Variants in MEGF8 observed in about 807,000 individuals in gnomAD.
MEGF8 encodes the protein multiple epidermal growth factor-like domains protein 8.
Under a neutral mutation model 302.9 loss-of-function variants are expected in MEGF8, and 156 were observed. The observed-to-expected ratio is 0.52, with a 90% confidence interval of 0.45 to 0.59. The LOEUF is 0.59. MEGF8 is among the 20% of genes least tolerant of loss of function. The probability of loss-of-function intolerance (pLI) is 0.00; values close to 1 mark genes in which losing one functional copy is unlikely to be tolerated. For missense variants in MEGF8, 3,345 were observed against 3,964.5 expected, an observed-to-expected ratio of 0.84 and a Z score of 4.20; for synonymous variants, 1,621 against 1,660.5, an observed-to-expected ratio of 0.98 and a Z score of 0.58.
Position 42,360,844 on chromosome 19 carries a change from T to G in MEGF8, c.5558T>G (p.Leu1853Arg). 6.2e-7 allele frequency: 1 copy of G among 1,612,696 alleles called. No homozygotes were observed. The highest frequency in any genetic ancestry group is 8.5e-7 in the Non-Finnish European group (1 of 1,179,618). The change falls in exon 32 of 42, where the codon CTG becomes CGG. Residue 1853 changes from leucine (L) to arginine (R), a missense_variant. Transcript: ENST00000251268. ...AHAVAAVGSR[L>R]YISGGFGGVA... is the part of the protein sequence containing the mutation. ...GCTGTGGCAGCAGTCGGGAGCCGCC[T>G]GTATATCTCTGGGGGTTTCGGGGGA...
chr19:42,327,608 T>A (rs1211358398), intron 1 of MEGF8, among the ~76,000 whole-genome samples: 1 of 152,118 alleles, frequency 6.6e-6, no homozygotes, highest in Non-Finnish European at 1.5e-5. Context: ...CCCAATAAAC[T>A]CCTATGCATG....
intron 15 of MEGF8, among the ~76,000 whole-genome samples, chr19:42,350,652 G>A (rs1423431705): frequency 6.6e-6 from 1 of 152,190 alleles, no homozygotes; most frequent in Non-Finnish European, 1.5e-5. Context: ...GAGCCCAGGA[G>A]TAGGCCTTCA....
Position 42,344,131 on chromosome 19 carries a change from C to G in MEGF8, c.1788+58C>G. ...GCATAGAGACCTGCCCTCAGTGTCT[C>G]CCTCTGCCTAACCAGATGGACAAGA... On this transcript the variant is annotated intron_variant, in intron 10 of 41. Transcript: ENST00000251268. This position sits in a 1 kb window ranked among gnomAD's most constrained non-coding sequence, Gnocchi z 4.5. The G allele has an allele frequency of 6.3e-7, 1 of 1,582,142 alleles. No individual in the cohort carries two copies. The highest frequency in any genetic ancestry group is 1.8e-5 in the Admixed American group (1 of 54,872).
chr19:42,372,074 A>ACAACAACAAAC (rs1555784681), intron 41 of MEGF8, among the ~76,000 whole-genome samples: 21 of 79,230 alleles, frequency 2.7e-4, no homozygotes, highest in African/African-American at 7.0e-4. Flanking sequence ...AACAACAACA[A>ACAACAACAAAC]ACACACACAC....
Position 42,343,573 on chromosome 19 carries a change from G to C in MEGF8, c.1610G>C (p.Arg537Pro). The C allele has an allele frequency of 6.2e-7, 1 of 1,613,206 alleles. No homozygotes were observed. Among genetic ancestry groups the C allele is most frequent in the Non-Finnish European group, 8.5e-7 (1 of 1,179,648 alleles). Reference protein sequence around the residue: ...LVAGGYSGRPRGDLMAYKVPP... With the variant: ...LVAGGYSGRPPGDLMAYKVPP... ...GCTGGGGGGTACAGCGGCCGGCCCC[G>C]TGGGGACTTGATGGCGTACAAGGTG... Residue 537 changes from arginine to proline, a missense_variant, in exon 9 of 42, where the codon CGT becomes CCT. By Grantham distance (103) the Arg-to-Pro change is moderately radical. Coordinates refer to ENST00000251268, the MANE Select transcript of MEGF8 (RefSeq NM_001271938.2).
chr19:42,372,156 A>G (rs1272806247), intron 41 of MEGF8, among the ~76,000 whole-genome samples: 1 of 152,168 alleles, frequency 6.6e-6, no homozygotes, highest in African/African-American at 2.4e-5. Context: ...GTCTGCCTTC[A>G]GGACTGGCTA....
rs538158546 is a variant in MEGF8 at position 42,339,341 on chromosome 19, C to G, written c.1513+2135C>G. On this transcript the variant is annotated intron_variant, in intron 8 of 41. Coordinates refer to ENST00000251268, the MANE Select transcript of MEGF8 (RefSeq NM_001271938.2). Reference sequence around the variant, plus strand: ...CAAACTGCTTTCCACAATGCCTGAACTAATTTACATTCCCATCTGCAACCT... The same window carrying G: ...CAAACTGCTTTCCACAATGCCTGAAGTAATTTACATTCCCATCTGCAACCT... Among the ~76,000 whole-genome samples, 4 of 152,308 alleles carry G rather than the reference C, an allele frequency of 2.6e-5. No individual in the cohort carries two copies. In the East Asian group the frequency reaches 7.7e-4, roughly 29 times the overall value.
At chr19:42,366,384 A>G (rs1246363416) in intron 35 of MEGF8, among the ~76,000 whole-genome samples, 1 of 152,108 alleles carries the variant, frequency 6.6e-6, no homozygotes, top group African/African-American at 2.4e-5. Flanking sequence ...TATTTTTAGT[A>G]GAGACTGGGT....
Position 42,354,172 on chromosome 19 carries a change from C to T in MEGF8, c.4011+148C>T. The T allele has an allele frequency of 9.8e-7, 1 of 1,018,856 alleles. No homozygotes were observed. 63.1% of individuals were successfully genotyped at this position (1,018,856 alleles called of 1,614,324 possible). ...CAAAACCCAAACTCCTCCTCAGATC[C>T]CCAGCACTTTGTTCCTAGGCCCACA... On this transcript the variant is annotated intron_variant, in intron 22 of 41. Transcript: ENST00000251268. The surrounding 1 kb of genome is among the most constrained non-coding windows in gnomAD (Gnocchi z 4.3).
intron 1 of MEGF8, 41 bp downstream of exon 1, chr19:42,326,471 G>T (rs1457952599): frequency 6.7e-7 from 1 of 1,490,846 alleles, no homozygotes; most frequent in Non-Finnish European, 8.9e-7. Context: ...TTCGCTGGTA[G>T]TTCATTCATG....
Position 42,369,808 on chromosome 19 carries a change from C to T in MEGF8, c.6834+85C>T. ...TCCCACGCTCAGGCGGCTCGCATCT[C>T]ATCCTGAGCCCTGATAAGCCAGGGA... On this transcript the variant is annotated intron_variant, in intron 38 of 41. Coordinates refer to ENST00000251268, the MANE Select transcript of MEGF8 (RefSeq NM_001271938.2). This position sits in a 1 kb window ranked among gnomAD's most constrained non-coding sequence, Gnocchi z 5.7. The T allele has an allele frequency of 7.2e-7, 1 of 1,395,904 alleles. No individual in the cohort carries two copies. Among genetic ancestry groups the T allele is most frequent in the East Asian group, 2.5e-5 (1 of 40,000 alleles). 86.5% of individuals were successfully genotyped at this position (1,395,904 alleles called of 1,614,324 possible).
intron 41 of MEGF8, among the ~76,000 whole-genome samples, chr19:42,374,120 G>A (rs1056460258): frequency 3.3e-5 from 5 of 152,068 alleles, no homozygotes; most frequent in Non-Finnish European, 7.4e-5. Context: ...AGATATGAAA[G>A]GCTTTGCAAG....
chr19:42,358,999 G>A lies in MEGF8; in HGVS notation c.5343+45G>A. ...AGGATTGGGTGGGCTGGTAGGGGGG[G>A]ATAGGTAGGGAAGTACAGGGGTGGC... On this transcript the variant is annotated intron_variant, in intron 30 of 41. Coordinates refer to ENST00000251268, the MANE Select transcript of MEGF8 (RefSeq NM_001271938.2). This position sits in a 1 kb window ranked among gnomAD's most constrained non-coding sequence, Gnocchi z 4.4. The A allele has an allele frequency of 6.4e-7, 1 of 1,573,250 alleles. No homozygotes were observed. Among genetic ancestry groups the A allele is most frequent in the Non-Finnish European group, 8.6e-7 (1 of 1,156,492 alleles).
At chr19:42,331,827 C>A (rs1230191952) in intron 1 of MEGF8, among the ~76,000 whole-genome samples, 1 of 151,106 alleles carries the variant, frequency 6.6e-6, no homozygotes, top group Non-Finnish European at 1.5e-5. Flanking sequence ...ACCTTGGCCT[C>A]CCAAAGTGCT....
intron 1 of MEGF8, 50 bp downstream of exon 1, chr19:42,326,480 T>C: frequency 2.0e-6 from 3 of 1,483,528 alleles, no homozygotes; most frequent in East Asian, 2.8e-5. Flanking sequence ...AGTTCATTCA[T>C]GTGTGCATTC....
intron 1 of MEGF8, among the ~76,000 whole-genome samples, chr19:42,332,333 G>A (rs1393442602): frequency 2.0e-5 from 3 of 152,192 alleles, no homozygotes; most frequent in African/African-American, 7.2e-5. Context: ...CAGCCGGAAT[G>A]CCTGTGTGTG....
chr19:42,356,107 G>C lies in MEGF8; in HGVS notation c.4417G>C (p.Glu1473Gln). ...GAGCCTGGGTGTGTGCATCTGTGCCGAGGGCTTCGGGGGCCCCGACTGCGC... is the reference window on the plus strand; with the variant it reads ...GAGCCTGGGTGTGTGCATCTGTGCCCAGGGCTTCGGGGGCCCCGACTGCGC... ...NQSLGVCICA[E>Q]GFGGPDCATK... The change falls in exon 25 of 42, where the codon GAG (glutamate) becomes CAG (glutamine). Residue 1473 changes from glutamate (E) to glutamine (Q), a missense_variant. Coordinates refer to ENST00000251268, the MANE Select transcript of MEGF8 (RefSeq NM_001271938.2). The surrounding 1 kb of genome is among the most constrained non-coding windows in gnomAD (Gnocchi z 5.2). 6.3e-7 allele frequency: 1 copy of C among 1,587,182 alleles called. No individual in the cohort carries two copies. The highest frequency in any genetic ancestry group is 8.6e-7 in the Non-Finnish European group (1 of 1,164,960).
intron 8 of MEGF8, among the ~76,000 whole-genome samples, chr19:42,337,842 CGCCCGG>C (rs2039153157): frequency 6.7e-6 from 1 of 150,012 alleles, no homozygotes; most frequent in Non-Finnish European, 1.5e-5. Flanking sequence ...CTCGCTCCGT[CGCCCGG>C]GCTAGAGTGC....
rs115444318 is a variant in MEGF8 at position 42,367,596 on chromosome 19, C to T, written c.6274-859C>T. 5.4e-3 allele frequency among the ~76,000 whole-genome samples: 822 copies of T among 152,282 alleles called. 8 individuals are homozygous for T. Among genetic ancestry groups the T allele is most frequent in the African/African-American group, 0.019 (796 of 41,556 alleles). On this transcript the variant is annotated intron_variant, in intron 35 of 41. Coordinates refer to ENST00000251268, the MANE Select transcript of MEGF8 (RefSeq NM_001271938.2). ...TAAGAAACTGTGGTTTGCAACCCCACTCCTGATACTCTTTTCTGTCTCCTT... is the reference window on the plus strand; with the variant it reads ...TAAGAAACTGTGGTTTGCAACCCCATTCCTGATACTCTTTTCTGTCTCCTT...
Sources: gnomAD v4.1 joint callset for allele counts (sites outside exome capture counted in the v4.1 genomes callset) on GRCh38, gnomAD v4.1.1 for gene constraint, Gnocchi (gnomAD v3.1) non-coding constraint, MANE v1.5 for transcripts, NCBI Gene and HGNC (gene_info 2026-07-23, HGNC 2026-07-21) for gene names.